MPDZ: variants seen among roughly 807,000 people sequenced by gnomAD.
MPDZ encodes the protein multiple PDZ domain crumbs cell polarity complex component, also known as multiple PDZ domain protein.
MPDZ carries 234 observed loss-of-function variants against 239.1 expected under a neutral mutation model. The ratio of observed to expected loss-of-function variants is 0.98; its 90% CI spans 0.88 to 1.09. The LOEUF (loss-of-function observed/expected upper bound fraction) is 1.09. MPDZ is among the 50% of genes least tolerant of loss of function. MPDZ has a pLI of 0.00. For missense variants in MPDZ, 3,175 were observed against 2,510.0 expected (o/e 1.26, Z -5.66); for synonymous variants, 1,048 against 881.3 (o/e 1.19, Z -3.35).
At chr9:13,184,410 T>C (rs976964499) in intron 18 of MPDZ, among the ~76,000 whole-genome samples, 20 of 151,968 alleles carry the variant, frequency 1.3e-4, no homozygotes, top group African/African-American at 4.8e-4. Context: ...ATTCCATATG[T>C]TCTAATTTTT....
intron 25 of MPDZ, among the ~76,000 whole-genome samples, chr9:13,150,139 T>C (rs1217362623): frequency 6.6e-6 from 1 of 152,110 alleles, no homozygotes; most frequent in Non-Finnish European, 1.5e-5. Context: ...TCCCTGAGAA[T>C]TGTGCTTTGT....
intron 12 of MPDZ, among the ~76,000 whole-genome samples, chr9:13,200,742 T>C (rs1956283142): frequency 6.6e-6 from 1 of 152,152 alleles, no homozygotes; most frequent in Non-Finnish European, 1.5e-5. Context: ...CTGTTATTGA[T>C]ATCTAGTTTT....
intron 21 of MPDZ, among the ~76,000 whole-genome samples, chr9:13,174,121 G>C (rs140785853): frequency 1.1e-4 from 17 of 152,156 alleles, no homozygotes; most frequent in African/African-American, 4.1e-4. Context: ...CCTCTTTTTA[G>C]ACCTAAATCA....
At chr9:13,173,388 G>A (rs897545779) in intron 21 of MPDZ, among the ~76,000 whole-genome samples, 8 of 152,046 alleles carry the variant, frequency 5.3e-5, no homozygotes, top group Non-Finnish European at 5.9e-5. Context: ...ACAAAATTCA[G>A]CATTCTTACA....
chr9:13,172,087 G>A lies in MPDZ; in HGVS notation c.3056-3523C>T, dbSNP rs547559356. ...AAGATTCCTTTACATTTAGTTATTC[G>A]AAGTGCTATAGAAATCTGAACATTT... On this transcript the variant is annotated intron_variant, in intron 21 of 46. Transcript: ENST00000319217. Among the ~76,000 whole-genome samples the A allele has an allele frequency of 1.1e-3, 173 of 152,096 alleles. 1 individual carries two copies. The highest frequency in any genetic ancestry group is 4.0e-3 in the African/African-American group (164 of 41,484).
At chr9:13,251,688 G>T (rs933166999) in intron 1 of MPDZ, among the ~76,000 whole-genome samples, 1 of 152,220 alleles carries the variant, frequency 6.6e-6, no homozygotes, top group Non-Finnish European at 1.5e-5. Flanking sequence ...AAAAAGGGAA[G>T]TATGTGATGT....
At chr9:13,232,702 C>T (rs1365375231) in intron 3 of MPDZ, among the ~76,000 whole-genome samples, 1 of 151,108 alleles carries the variant, frequency 6.6e-6, no homozygotes, top group Non-Finnish European at 1.5e-5. Context: ...ATAAAAACAA[C>T]TTCTGGTCAT....
At chr9:13,165,970 T>C (rs556417610) in intron 22 of MPDZ, among the ~76,000 whole-genome samples, 1 of 152,206 alleles carries the variant, frequency 6.6e-6, no homozygotes, top group Admixed American at 6.5e-5. Context: ...CTATCTATCG[T>C]AAATGGCAAA....
chr9:13,132,444 G>A (rs975749927), intron 32 of MPDZ, among the ~76,000 whole-genome samples: 5 of 152,074 alleles, frequency 3.3e-5, no homozygotes, highest in Admixed American at 2.6e-4. Context: ...GGAAATGAAC[G>A]TCCTTGGGAG....
chr9:13,266,164 T>A (rs1971745598), intron 1 of MPDZ, among the ~76,000 whole-genome samples: 2 of 152,312 alleles, frequency 1.3e-5, no homozygotes, highest in South Asian at 4.1e-4. Flanking sequence ...CATCAGCGCC[T>A]CCTAAATTCA....
At chr9:13,122,523 C>CTTTTTTTT (rs1193402258) in intron 36 of MPDZ, among the ~76,000 whole-genome samples, 1 of 141,148 alleles carries the variant, frequency 7.1e-6, no homozygotes, top group African/African-American at 2.6e-5. Context: ...TTTTCAAACT[C>CTTTTTTTT]TTTTTTTTTT....
intron 21 of MPDZ, among the ~76,000 whole-genome samples, chr9:13,172,529 C>T (rs1233522763): frequency 1.3e-5 from 2 of 151,702 alleles, no homozygotes; most frequent in African/African-American, 2.4e-5. Context: ...ATTACAGGTG[C>T]CCACCACCAC....
At chr9:13,128,730 C>T (rs982466520) in intron 32 of MPDZ, among the ~76,000 whole-genome samples, 1 of 152,196 alleles carries the variant, frequency 6.6e-6, no homozygotes, top group African/African-American at 2.4e-5. Context: ...TGAATTGATT[C>T]AATTAGGATG....
intron 1 of MPDZ, among the ~76,000 whole-genome samples, chr9:13,269,619 C>T (rs950118095): frequency 6.6e-6 from 1 of 152,006 alleles, no homozygotes; most frequent in African/African-American, 2.4e-5. Context: ...AACATGCATA[C>T]AAACAAGAAA....
intron 22 of MPDZ, chr9:13,165,283 G>T: frequency 1.5e-6 from 2 of 1,330,690 alleles, no homozygotes; most frequent in Non-Finnish European, 1.0e-6. Context: ...TTCTTGCATT[G>T]GGACATTACA....
chr9:13,198,084 T>G (rs987202629), intron 12 of MPDZ, among the ~76,000 whole-genome samples: 2 of 152,174 alleles, frequency 1.3e-5, no homozygotes, highest in Admixed American at 6.6e-5. Flanking sequence ...TTTGCTATAC[T>G]GATTTCCTTT....
At chr9:13,217,071 C>A in intron 9 of MPDZ, 109 bp downstream of exon 9, 1 of 884,566 alleles carries the variant, frequency 1.1e-6, no homozygotes, top group Non-Finnish European at 1.7e-6. Context: ...AAGTTTTCAA[C>A]CAGTTTATCC....
intron 22 of MPDZ, chr9:13,165,428 C>A (rs1388674517): frequency 6.5e-7 from 1 of 1,548,314 alleles, no homozygotes; most frequent in African/African-American, 1.4e-5. Context: ...GAAGCATACG[C>A]CGCGGCATCT....
intron 39 of MPDZ, among the ~76,000 whole-genome samples, chr9:13,118,696 T>G (rs1943878474): frequency 6.6e-6 from 1 of 152,236 alleles, no homozygotes; most frequent in Admixed American, 6.5e-5. Context: ...ACTGGAATAT[T>G]CCCTGACAGA....
Sources: allele counts gnomAD v4.1 joint callset (sites outside exome capture counted in the v4.1 genomes callset), GRCh38; gene constraint gnomAD v4.1.1; transcripts MANE v1.5; gene names NCBI Gene and HGNC (gene_info 2026-07-23, HGNC 2026-07-21).